Variants in TMEM272 observed in about 807,000 individuals in gnomAD.
The protein encoded by TMEM272 is transmembrane protein 272, also known as long intergenic non-protein coding RNA 282.
In TMEM272, 8 loss-of-function variants were observed where a neutral mutation model predicts 3.7. That is an observed-to-expected ratio of 2.17 (90% CI 1.27 to 3.91). The LOEUF (loss-of-function observed/expected upper bound fraction) is 3.91, where lower values mean the gene tolerates loss of function less well. TMEM272 is among the 30% of genes most tolerant of loss of function. The pLI, the probability that TMEM272 is intolerant of heterozygous loss-of-function variation, is 0.00. For synonymous variants in TMEM272, 63 were observed against 39.8 expected (o/e 1.58, Z -2.20); for missense variants, 166 against 91.5 (o/e 1.81, Z -3.32).
At chr13:51,925,899 A>G in the TMEM272 span, among the ~76,000 whole-genome samples, 1 of 152,096 alleles carries the variant, frequency 6.6e-6, no homozygotes, top group Non-Finnish European at 1.5e-5. Context: ...CTGTGTGTGT[A>G]GTAGTGTGTT....
the TMEM272 span, among the ~76,000 whole-genome samples, chr13:51,865,157 C>G: frequency 6.6e-6 from 1 of 152,244 alleles, no homozygotes; most frequent in Non-Finnish European, 1.5e-5. Flanking sequence ...GACTGCCTCT[C>G]CAGCTCAAAG....
the TMEM272 span, among the ~76,000 whole-genome samples, chr13:51,874,448 A>T: frequency 1.3e-5 from 2 of 152,216 alleles, no homozygotes; most frequent in Non-Finnish European, 2.9e-5. Flanking sequence ...GATACTCAGT[A>T]CATGTTTAAT....
chr13:51,899,335 T>C, the TMEM272 span, among the ~76,000 whole-genome samples: 1 of 146,700 alleles, frequency 6.8e-6, no homozygotes, highest in Non-Finnish European at 1.5e-5. Context: ...CCCATAAATA[T>C]ATACAGTTAT....
chr13:51,889,704 C>T, the TMEM272 span, among the ~76,000 whole-genome samples: 2 of 151,990 alleles, frequency 1.3e-5, no homozygotes, highest in African/African-American at 4.8e-5. Flanking sequence ...TGCAATGGTG[C>T]GATCCCGGCT....
chr13:51,841,131 C>A (rs1488844596), intron 1 of TMEM272, among the ~76,000 whole-genome samples: 1 of 152,212 alleles, frequency 6.6e-6, no homozygotes, highest in Middle Eastern at 3.2e-3. Flanking sequence ...AGTGATAAGC[C>A]CAGTTATCTA....
the TMEM272 span, chr13:51,866,327 G>C: frequency 2.4e-6 from 1 of 421,562 alleles, no homozygotes; most frequent in Non-Finnish European, 4.3e-6. Context: ...GTCCCAGGCA[G>C]CTCCCAGTGA....
intron 3 of TMEM272, among the ~76,000 whole-genome samples, chr13:51,822,491 C>T (rs1455343048): frequency 6.6e-6 from 1 of 152,180 alleles, no homozygotes; most frequent in African/African-American, 2.4e-5. Flanking sequence ...CAAAGGATCC[C>T]TTTAAATATA....
chr13:51,904,143 G>A, the TMEM272 span, among the ~76,000 whole-genome samples: 3 of 152,182 alleles, frequency 2.0e-5, no homozygotes, highest in Non-Finnish European at 4.4e-5. Flanking sequence ...ATCAGCATCA[G>A]AATCAGCATG....
At chr13:51,891,657 A>C in the TMEM272 span, among the ~76,000 whole-genome samples, 1 of 152,208 alleles carries the variant, frequency 6.6e-6, no homozygotes, top group East Asian at 1.9e-4. Flanking sequence ...CAGTGACATG[A>C]CATCTGCACG....
In TMEM272 at chr13:51,836,938, A is replaced by G. The variant is rs545080010; in HGVS notation, c.58+1535T>C. ...GGGACTCAATCACAAAGGGTTTCAC[A>G]AGAGAGCAAACGCTTCTGTTTTATT... On this transcript the variant is annotated intron_variant, in intron 2 of 4. Transcript: ENST00000629372. Among the ~76,000 whole-genome samples, 13 of 152,338 alleles carry G rather than the reference A, an allele frequency of 8.5e-5. No homozygotes were observed. In the South Asian group the frequency reaches 2.7e-3, roughly 32 times the overall value.
At chr13:51,859,033 G>GA in the TMEM272 span, among the ~76,000 whole-genome samples, 27 of 152,134 alleles carry the variant, frequency 1.8e-4, no homozygotes, top group African/African-American at 6.3e-4. Context: ...TAAGGGTTAG[G>GA]ATGGATTCTT....
rs200053418 is a variant in TMEM272, at chr13:51,817,812, C to G, written c.202-699G>C. On this transcript the variant is annotated intron_variant, in intron 4 of 4. Transcript: ENST00000629372. ...GTGATACTCTTGGGGGACAGACCAT[C>G]TGGGCCCCTGGTAGATGGTCCCTGA... Among the ~76,000 whole-genome samples the G allele has an allele frequency of 3.3e-5, 5 of 152,322 alleles. No individual in the cohort carries two copies. The East Asian group carries it at 9.7e-4, about 29-fold the overall frequency.
At chr13:51,877,446 A>G in the TMEM272 span, among the ~76,000 whole-genome samples, 1 of 152,176 alleles carries the variant, frequency 6.6e-6, no homozygotes, top group East Asian at 1.9e-4. Flanking sequence ...GCCATAATTT[A>G]CTAAGTGATT....
chr13:51,840,012 T>C (rs1956248334), intron 1 of TMEM272, among the ~76,000 whole-genome samples: 1 of 152,218 alleles, frequency 6.6e-6, no homozygotes, highest in African/African-American at 2.4e-5. Flanking sequence ...ACCAGCGCCC[T>C]GCCAAGGTCT....
chr13:51,897,015 C>T, the TMEM272 span, among the ~76,000 whole-genome samples: 1 of 152,210 alleles, frequency 6.6e-6, no homozygotes, highest in Non-Finnish European at 1.5e-5. Context: ...AAACAAAGCA[C>T]AGCAAGCAGC....
At chr13:51,859,537 CACACACACACAG>C in the TMEM272 span, among the ~76,000 whole-genome samples, 1 of 151,734 alleles carries the variant, frequency 6.6e-6, no homozygotes, top group African/African-American at 2.4e-5. Context: ...CACACACACA[CACACACACACAG>C]ACACCCCCTC....
the TMEM272 span, chr13:51,861,981 A>C: frequency 1.3e-5 from 2 of 152,300 alleles, no homozygotes; most frequent in Non-Finnish European, 2.9e-5. Context: ...CCTATCAGTG[A>C]AGTCAAAGAT....
chr13:51,827,405 T>C (rs78874111), intron 2 of TMEM272, among the ~76,000 whole-genome samples: 1,823 of 152,366 alleles, frequency 0.012, 45 homozygotes, highest in African/African-American at 0.042. Flanking sequence ...CCTCAGGGTA[T>C]GGCAACTTTT....
chr13:51,845,847 C>T (rs1956300514), upstream of TMEM272, among the ~76,000 whole-genome samples: 2 of 152,240 alleles, frequency 1.3e-5, no homozygotes, highest in Admixed American at 1.3e-4. Context: ...GGCCTGGGCC[C>T]AGGAATCTGC....
Sources: allele counts gnomAD v4.1 joint callset (sites outside exome capture counted in the v4.1 genomes callset), GRCh38; gene constraint gnomAD v4.1.1; transcripts MANE v1.5; gene names NCBI Gene and HGNC (gene_info 2026-07-23, HGNC 2026-07-21).